STK32C: variants seen among roughly 807,000 people sequenced by gnomAD.
The protein encoded by STK32C is serine/threonine-protein kinase 32C.
A neutral mutation model predicts 56.5 loss-of-function variants in STK32C; 31 were observed. The ratio of observed to expected loss-of-function variants is 0.55; its 90% CI spans 0.41 to 0.74. STK32C has a LOEUF of 0.74. STK32C is among the 30% of genes least tolerant of loss of function. The pLI, the probability that STK32C is intolerant of heterozygous loss-of-function variation, is 0.00. For synonymous variants in STK32C, 309 were observed against 289.4 expected (o/e 1.07, Z -0.69); for missense variants, 544 against 676.9 (o/e 0.80, Z 2.18).
chr10:132,302,771 A>G (rs773330476), intron 1 of STK32C, among the ~76,000 whole-genome samples: 12 of 152,352 alleles, frequency 7.9e-5, no homozygotes, highest in Admixed American at 2.0e-4. Flanking sequence ...ACCCGTCCAT[A>G]CCAACCGTGC....
At chr10:132,237,363 C>A (rs1296426198) in intron 2 of STK32C, among the ~76,000 whole-genome samples, 1 of 152,204 alleles carries the variant, frequency 6.6e-6, no homozygotes, top group African/African-American at 2.4e-5. Flanking sequence ...ACACGCCTGT[C>A]GAGGGAAGAA....
At chr10:132,265,322 G>T (rs910937845) in intron 1 of STK32C, among the ~76,000 whole-genome samples, 2 of 152,204 alleles carry the variant, frequency 1.3e-5, no homozygotes, top group African/African-American at 4.8e-5. Context: ...CTTCTCCTTC[G>T]ATGACAGCCC....
chr10:132,311,091 G>A (rs1011908306), upstream of STK32C, among the ~76,000 whole-genome samples: 7 of 152,150 alleles, frequency 4.6e-5, no homozygotes, highest in Admixed American at 2.6e-4. The surrounding 1 kb of genome is among the most constrained non-coding windows in gnomAD (Gnocchi z 4.4). Flanking sequence ...CGTCCATAAA[G>A]CCACGCCTCC....
intron 1 of STK32C, chr10:132,330,606 C>T (rs1324007690): frequency 5.8e-6 from 4 of 687,108 alleles, no homozygotes; most frequent in Non-Finnish European, 1.1e-5. Context: ...ATCCTAGGTT[C>T]AAGCGATCCT....
chr10:132,230,747 C>G (rs2063072909), intron 2 of STK32C, among the ~76,000 whole-genome samples: 1 of 151,218 alleles, frequency 6.6e-6, no homozygotes. Flanking sequence ...CCAAGGCCGT[C>G]TTCAGCCGGT....
chr10:132,216,228 G>A (rs1240662651), intron 10 of STK32C, among the ~76,000 whole-genome samples: 1 of 152,198 alleles, frequency 6.6e-6, no homozygotes, highest in Non-Finnish European at 1.5e-5. Flanking sequence ...ACTTTGGGAG[G>A]TTAAGGCAGG....
intron 1 of STK32C, among the ~76,000 whole-genome samples, chr10:132,266,537 T>C (rs189906779): frequency 6.9e-4 from 105 of 152,272 alleles, no homozygotes; most frequent in Non-Finnish European, 1.2e-3. Context: ...TTAGGCATCT[T>C]ATCTGAATTT....
intron 1 of STK32C, chr10:132,331,404 A>G: frequency 6.3e-7 from 1 of 1,577,660 alleles, no homozygotes; most frequent in Non-Finnish European, 8.6e-7. Context: ...ATCTTCTTCC[A>G]AATTCTCAAA....
chr10:132,328,591 G>C (rs2066553500), intron 1 of STK32C, among the ~76,000 whole-genome samples: 2 of 152,188 alleles, frequency 1.3e-5, no homozygotes. Flanking sequence ...TACCCATTTT[G>C]TTTCAGAGTC....
At chr10:132,219,774 A>G (rs1404043316) in intron 10 of STK32C, among the ~76,000 whole-genome samples, 1 of 152,170 alleles carries the variant, frequency 6.6e-6, no homozygotes, top group East Asian at 1.9e-4. Context: ...CAGGGCACCC[A>G]GGGCATGACC....
At position 132,225,308 on chromosome 10, in the gene STK32C, G is replaced by A. The variant is rs12411723; in HGVS notation, c.801C>T (p.Asn267=). 1.7e-3 allele frequency: 2,770 copies of A among 1,611,850 alleles called. 63 individuals carry two copies. In the Admixed American group the frequency reaches 0.038, roughly 22 times the overall value. Residue 267 remains asparagine, a synonymous_variant, in exon 7 of 12, where the codon AAC becomes AAT. Transcript: ENST00000298630. ...MAPEIFHSFV[N]GGTGYSFEVD... Reference sequence around the variant, plus strand: ...CCTCGAAGGAGTAGCCGGTCCCGCCGTTGACAAAAGAGTGGAAGATCTCCG... The same window carrying A: ...CCTCGAAGGAGTAGCCGGTCCCGCCATTGACAAAAGAGTGGAAGATCTCCG...
downstream of STK32C, among the ~76,000 whole-genome samples, chr10:132,320,653 G>A (rs942959245): frequency 6.6e-6 from 1 of 152,158 alleles, no homozygotes; most frequent in African/African-American, 2.4e-5. Context: ...GATGCGGCCT[G>A]GAGTTCTTAC....
chr10:132,235,493 T>TCA lies in STK32C; in HGVS notation c.319-7366_319-7365insTG, dbSNP rs1565091831. 5.5e-5 allele frequency among the ~76,000 whole-genome samples: 4 copies of TCA among 72,410 alleles called. 1 individual carries two copies. Among genetic ancestry groups the TCA allele is most frequent in the Non-Finnish European group, 2.6e-5 (1 of 38,522 alleles). 47.5% of individuals were successfully genotyped at this position (72,410 alleles called of 152,430 possible). Reference sequence around the variant, plus strand: ...CCTGGCAACAGAGCAAGACTCAGCCTTAAAAAAAAAAAAAAAAAAAAGGAA... The same window carrying TCA: ...CCTGGCAACAGAGCAAGACTCAGCCTCATAAAAAAAAAAAAAAAAAAAAGGAA... On this transcript the variant is annotated intron_variant, in intron 2 of 11. Transcript: ENST00000298630.
chr10:132,270,359 C>T (rs2064775465), intron 1 of STK32C, among the ~76,000 whole-genome samples: 1 of 152,266 alleles, frequency 6.6e-6, no homozygotes, highest in Non-Finnish European at 1.5e-5. Flanking sequence ...GAAGGTGATA[C>T]CACAAGTGAA....
chr10:132,245,552 G>A (rs1431372029), intron 2 of STK32C, among the ~76,000 whole-genome samples: 2 of 152,244 alleles, frequency 1.3e-5, no homozygotes, highest in South Asian at 2.1e-4. Context: ...GAGGATGCAC[G>A]CTCAGCACCC....
At chr10:132,239,216 T>C (rs940155935) in intron 2 of STK32C, among the ~76,000 whole-genome samples, 2 of 152,192 alleles carry the variant, frequency 1.3e-5, no homozygotes, top group Non-Finnish European at 2.9e-5. Context: ...CTGTGTGCAC[T>C]GAGCCTCCCC....
At chr10:132,265,678 T>C (rs1203079419) in intron 1 of STK32C, among the ~76,000 whole-genome samples, 2 of 152,168 alleles carry the variant, frequency 1.3e-5, no homozygotes, top group African/African-American at 4.8e-5. Flanking sequence ...CAGTAATAAA[T>C]GGCAAGCAGC....
intron 1 of STK32C, among the ~76,000 whole-genome samples, chr10:132,271,327 A>G (rs1261171660): frequency 6.6e-6 from 1 of 152,178 alleles, no homozygotes; most frequent in South Asian, 2.1e-4. Flanking sequence ...CCTGGCACTC[A>G]GGAAAAAACC....
chr10:132,286,307 G>GA (rs1160112716), intron 1 of STK32C, among the ~76,000 whole-genome samples: 1 of 152,088 alleles, frequency 6.6e-6, no homozygotes, highest in East Asian at 1.9e-4. Flanking sequence ...TTCACACAAA[G>GA]AAAACTCCAG....
Sources: gnomAD v4.1 joint callset for allele counts (sites outside exome capture counted in the v4.1 genomes callset) on GRCh38, gnomAD v4.1.1 for gene constraint, Gnocchi (gnomAD v3.1) non-coding constraint, MANE v1.5 for transcripts, NCBI Gene and HGNC (gene_info 2026-07-23, HGNC 2026-07-21) for gene names.